CHRDL1: variants seen among roughly 807,000 people sequenced by gnomAD.
CHRDL1 encodes chordin-like protein 1.
A neutral mutation model predicts 40.9 loss-of-function variants in CHRDL1; 19 were observed. That is an observed-to-expected ratio of 0.46 (90% CI 0.32 to 0.68). The LOEUF (loss-of-function observed/expected upper bound fraction) is 0.68. Among genes scored for constraint, CHRDL1 ranks in the 30% least tolerant of loss-of-function variants. The pLI is 0.03. For synonymous variants in CHRDL1, 136 were observed against 123.4 expected, an observed-to-expected ratio of 1.10 and a Z score of -0.68; for missense variants, 329 against 352.1, an observed-to-expected ratio of 0.93 and a Z score of 0.53.
chrX:110,674,914 T>C lies in CHRDL1; in HGVS notation c.*1317A>G, dbSNP rs1042816567. The C allele has an allele frequency of 8.9e-6, 1 of 112,242 alleles. No homozygotes were observed. The highest frequency in any genetic ancestry group is 1.9e-5 in the Non-Finnish European group (1 of 53,232). 9.3% of individuals were successfully genotyped at this position (112,242 alleles called of 1,213,427 possible). On this transcript the variant is annotated 3_prime_UTR_variant, in exon 12 of 12. Transcript: ENST00000372042. Reference sequence around the variant, plus strand: ...AGAATGGATAGTTTATGCTCTGGTATTGGGCTGCAAGTAGACATTTTAGGA... The same window carrying C: ...AGAATGGATAGTTTATGCTCTGGTACTGGGCTGCAAGTAGACATTTTAGGA...
intron 11 of CHRDL1, 55 bp downstream of exon 11, chrX:110,679,281 T>C: frequency 1.2e-6 from 1 of 866,967 alleles, no homozygotes; most frequent in South Asian, 2.0e-5. Context: ...GTGGCTATGC[T>C]AAATTGAAAA....
intron 2 of CHRDL1, among the ~76,000 whole-genome samples, chrX:110,769,391 A>T (rs1215590752): frequency 8.9e-6 from 1 of 112,548 alleles, no homozygotes; most frequent in Non-Finnish European, 1.9e-5. Flanking sequence ...CTAAGAGAAG[A>T]TATTGTGAAC....
chrX:110,792,572 G>A (rs184068663), intron 1 of CHRDL1, among the ~76,000 whole-genome samples: 2 of 111,981 alleles, frequency 1.8e-5, no homozygotes, highest in Non-Finnish European at 3.8e-5. Flanking sequence ...TTGCAAAAAC[G>A]GTTATTTTAG....
At chrX:110,773,175 T>C (rs147139701) in intron 2 of CHRDL1, among the ~76,000 whole-genome samples, 1,223 of 112,487 alleles carry the variant, frequency 0.011, 6 homozygotes, top group Non-Finnish European at 0.016. Context: ...GTCTGTATTA[T>C]TCAGTTTAAA....
intron 4 of CHRDL1, among the ~76,000 whole-genome samples, chrX:110,743,478 G>C (rs2071396437): frequency 8.9e-6 from 1 of 111,947 alleles, no homozygotes; most frequent in Non-Finnish European, 1.9e-5. Context: ...GAATAATCTA[G>C]ATAATCCCAG....
chrX:110,736,289 C>T (rs1447423288), intron 4 of CHRDL1, among the ~76,000 whole-genome samples: 6 of 112,182 alleles, frequency 5.3e-5, no homozygotes, highest in Non-Finnish European at 1.1e-4. Context: ...CTACACAATA[C>T]ACAGAAAGGA....
chrX:110,786,619 C>A (rs918546779), intron 2 of CHRDL1, among the ~76,000 whole-genome samples: 5 of 112,011 alleles, frequency 4.5e-5, no homozygotes, highest in Non-Finnish European at 7.5e-5. Context: ...GAAGACTGAC[C>A]GGAAACCAGG....
At chrX:110,689,851 CTA>C (rs1381654045) in intron 8 of CHRDL1, among the ~76,000 whole-genome samples, 5 of 4,164 alleles carry the variant, frequency 1.2e-3, no homozygotes, top group African/African-American at 3.2e-3. Context: ...ATCTATATAT[CTA>C]TATATATCTA....
rs542333154 is a variant in CHRDL1 at position 110,755,607 on chromosome X, T to C, written c.301+4054A>G. On this transcript the variant is annotated intron_variant, in intron 4 of 11. Coordinates refer to ENST00000372042, the MANE Select transcript of CHRDL1 (RefSeq NM_001143981.2). The stretch of plus-strand genomic sequence containing the variant: ...AAAAGCTTCTCTAAATCAATACTGC[T>C]ATAGGACAGTATGTAAAGCCAGTAT... 1.8e-4 allele frequency among the ~76,000 whole-genome samples: 20 copies of C among 112,333 alleles called. No homozygotes were observed. In the South Asian group the frequency reaches 7.1e-3, roughly 40 times the overall value.
At chrX:110,700,896 T>G (rs1194850066) in intron 6 of CHRDL1, among the ~76,000 whole-genome samples, 175 bp from the exon 7 acceptor site, 1 of 112,149 alleles carries the variant, frequency 8.9e-6, no homozygotes, top group Non-Finnish European at 1.9e-5. Context: ...TGTGCCTCAT[T>G]TTTCAAAACA....
At chrX:110,677,921 G>A (rs752904954) in intron 11 of CHRDL1, among the ~76,000 whole-genome samples, 4 of 110,955 alleles carry the variant, frequency 3.6e-5, no homozygotes, top group South Asian at 3.9e-4. Flanking sequence ...TTCCAAACTC[G>A]TTTCTCTCTT....
chrX:110,725,515 T>C (rs2071039763), intron 4 of CHRDL1, among the ~76,000 whole-genome samples: 1 of 110,489 alleles, frequency 9.1e-6, no homozygotes, highest in African/African-American at 3.3e-5. Flanking sequence ...GTGGTTCCAC[T>C]TCACTTCTTT....
rs768551445 is a variant in CHRDL1, at chrX:110,753,675, T to C, written c.301+5986A>G. Among the ~76,000 whole-genome samples, 4 of 112,103 alleles carry C rather than the reference T, an allele frequency of 3.6e-5. No individual in the cohort carries two copies. The East Asian group carries it at 1.1e-3, about 31-fold the overall frequency. The stretch of plus-strand genomic sequence containing the variant: ...TTACTGTAACTGTGGAAGTCACAGA[T>C]ATAGACAGACATAGTCATAGACCTA... On this transcript the variant is annotated intron_variant, in intron 4 of 11. Transcript: ENST00000372042.
intron 4 of CHRDL1, among the ~76,000 whole-genome samples, chrX:110,722,421 A>G (rs1032536389): frequency 1.0e-4 from 11 of 108,779 alleles, no homozygotes; most frequent in Admixed American, 4.0e-4. Context: ...TTGAGGTCCT[A>G]TCTGATCTTG....
At chrX:110,778,760 A>G (rs774060870) in intron 2 of CHRDL1, among the ~76,000 whole-genome samples, 25 of 112,117 alleles carry the variant, frequency 2.2e-4, no homozygotes, top group Non-Finnish European at 4.1e-4. Flanking sequence ...GTATACACCC[A>G]AAGGAATATA....
intron 9 of CHRDL1, among the ~76,000 whole-genome samples, chrX:110,687,814 C>T (rs5942678): frequency 0.45 from 49,774 of 109,958 alleles, 9,338 homozygotes; most frequent in African/African-American, 0.68. Context: ...ATTCTGTCAA[C>T]CCCAATATTA....
chrX:110,721,309 A>G, intron 5 of CHRDL1, 76 bp downstream of exon 5: 1 of 986,740 alleles, frequency 1.0e-6, no homozygotes, highest in Non-Finnish European at 1.4e-6. Context: ...TGCAGGCACA[A>G]ATGAAAGTAC....
At chrX:110,760,372 A>G (rs57343609) in intron 3 of CHRDL1, among the ~76,000 whole-genome samples, 2,790 of 112,427 alleles carry the variant, frequency 0.025, 87 homozygotes, top group African/African-American at 0.085. Flanking sequence ...CCTCGCTCTG[A>G]CAGCTCACAA....
chrX:110,736,819 A>G (rs980951995), intron 4 of CHRDL1, among the ~76,000 whole-genome samples: 3 of 112,173 alleles, frequency 2.7e-5, no homozygotes, highest in Admixed American at 9.4e-5. Context: ...TTACTGGCTC[A>G]TGCTTACACT....
Sources: gnomAD v4.1 joint callset for allele counts (sites outside exome capture counted in the v4.1 genomes callset) on GRCh38, gnomAD v4.1.1 for gene constraint, MANE v1.5 for transcripts, NCBI Gene and HGNC (gene_info 2026-07-23, HGNC 2026-07-21) for gene names.